PLEKHH2: variants seen among roughly 807,000 people sequenced by gnomAD.
PLEKHH2 encodes the protein pleckstrin homology, MyTH4 and FERM domain containing H2, also known as pleckstrin homology domain-containing family H member 2.
A neutral mutation model predicts 187.9 loss-of-function variants in PLEKHH2; 129 were observed. The ratio of observed to expected loss-of-function variants is 0.69; its 90% CI spans 0.59 to 0.79. The LOEUF is 0.79. Ranked by LOEUF, PLEKHH2 falls within the 30% of genes least tolerant of loss-of-function variation. The probability of loss-of-function intolerance (pLI) is 0.00; values close to 1 mark genes in which losing one functional copy is unlikely to be tolerated. For missense variants in PLEKHH2, 2,076 were observed against 1,751.2 expected, an observed-to-expected ratio of 1.19 and a Z score of -3.31; for synonymous variants, 686 against 605.6, an observed-to-expected ratio of 1.13 and a Z score of -1.95.
chr2:43,699,836 G>A lies in PLEKHH2; in HGVS notation c.878G>A (p.Gly293Glu), dbSNP rs1204396469. The part of the protein sequence containing the change: ...VSDWSSDEED[G>E]SKGRSKSRCT... ...GACTGGAGCTCTGATGAGGAAGACG[G>A]GAGCAAAGGAAGATCCAAGTCCAGA... Residue 293 changes from glycine (G) to glutamate (E), a missense_variant, in exon 8 of 30, where the codon GGG becomes GAG. Physicochemically the swap from Gly to Glu is moderately conservative, Grantham distance 98. Coordinates refer to ENST00000282406, the MANE Select transcript of PLEKHH2 (RefSeq NM_172069.4). The A allele has an allele frequency of 1.2e-6, 2 of 1,611,996 alleles. No homozygotes were observed. Among genetic ancestry groups the A allele is most frequent in the Non-Finnish European group, 8.5e-7 (1 of 1,178,114 alleles).
At chr2:43,750,806 C>T (rs1430422299) in intron 24 of PLEKHH2, among the ~76,000 whole-genome samples, 2 of 152,170 alleles carry the variant, frequency 1.3e-5, no homozygotes, top group Non-Finnish European at 2.9e-5. Context: ...TCCATTCATG[C>T]CATCTACCAG....
At chr2:43,671,349 TTAA>T (rs1417900515) in intron 2 of PLEKHH2, among the ~76,000 whole-genome samples, 2 of 152,328 alleles carry the variant, frequency 1.3e-5, no homozygotes, top group Admixed American at 1.3e-4. Flanking sequence ...TCCTATGGCC[TTAA>T]TAAACTCATT....
intron 24 of PLEKHH2, among the ~76,000 whole-genome samples, chr2:43,751,126 G>T (rs193232758): frequency 1.3e-3 from 191 of 152,328 alleles, no homozygotes; most frequent in African/African-American, 4.5e-3. Context: ...AGGATTAAAT[G>T]TTGGCAATTG....
At position 43,642,356 on chromosome 2, in the gene PLEKHH2, G is replaced by T. The variant is rs910275758; in HGVS notation, c.-3-2315G>T. On this transcript the variant is annotated intron_variant, in intron 1 of 29. Coordinates refer to ENST00000282406, the MANE Select transcript of PLEKHH2 (RefSeq NM_172069.4). Reference sequence around the variant, plus strand: ...AAACCTTGCTAAACTCTATAGTTTAGTATTTTTTTGTGGATTCCTTAGAAT... The same window carrying T: ...AAACCTTGCTAAACTCTATAGTTTATTATTTTTTTGTGGATTCCTTAGAAT... Among the ~76,000 whole-genome samples the T allele has an allele frequency of 1.2e-4, 18 of 152,070 alleles. No homozygotes were observed. In the East Asian group the frequency reaches 3.1e-3, roughly 26 times the overall value.
chr2:43,673,978 G>C (rs985793386), intron 2 of PLEKHH2, among the ~76,000 whole-genome samples: 1 of 152,112 alleles, frequency 6.6e-6, no homozygotes, highest in African/African-American at 2.4e-5. Context: ...CAGTGCCATA[G>C]GAGCAGAAAA....
chr2:43,753,472 A>G (rs1672084660), intron 24 of PLEKHH2, 147 bp from the exon 25 acceptor site: 1 of 543,894 alleles, frequency 1.8e-6, no homozygotes, highest in East Asian at 3.5e-5. Flanking sequence ...TAGAACAGAA[A>G]CAGAAGTCAT....
At chr2:43,688,121 G>C (rs901015948) in intron 3 of PLEKHH2, among the ~76,000 whole-genome samples, 1 of 152,122 alleles carries the variant, frequency 6.6e-6, no homozygotes, top group Non-Finnish European at 1.5e-5. Flanking sequence ...TTTGAGAAGT[G>C]TCTGTTCATG....
chr2:43,644,887 G>A (rs1427981705), intron 2 of PLEKHH2, 91 bp downstream of exon 2: 1 of 1,336,900 alleles, frequency 7.5e-7, no homozygotes, highest in South Asian at 1.7e-5. Flanking sequence ...TTGGGGGTTT[G>A]ATTTAATTTT....
intron 22 of PLEKHH2, 38 bp downstream of exon 22, chr2:43,742,956 C>G: frequency 7.0e-7 from 1 of 1,419,384 alleles, no homozygotes; most frequent in South Asian, 1.6e-5. Context: ...GCCAACAATC[C>G]TATGTACAAC....
intron 3 of PLEKHH2, 147 bp downstream of exon 3, chr2:43,679,072 A>C (rs1668027636): frequency 8.2e-6 from 4 of 486,912 alleles, no homozygotes; most frequent in Non-Finnish European, 1.4e-5. Context: ...AAAATGGAGA[A>C]TCTAACTCTA....
At chr2:43,656,845 C>G (rs925205203) in intron 2 of PLEKHH2, among the ~76,000 whole-genome samples, 1 of 152,132 alleles carries the variant, frequency 6.6e-6, no homozygotes, top group Non-Finnish European at 1.5e-5. Context: ...TGGTAAAACC[C>G]TGTCTCTACT....
At chr2:43,675,346 G>C in intron 2 of PLEKHH2, 1 of 1,479,158 alleles carries the variant, frequency 6.8e-7, no homozygotes, top group Non-Finnish European at 9.1e-7. Flanking sequence ...AGTGCTCTTG[G>C]ACAGCACAGG....
In PLEKHH2 at chr2:43,742,091, C is replaced by T. The variant is rs553376725; in HGVS notation, c.3222-650C>T. ...TCTTGGCTCACTGCAACCTCCACCT[C>T]CAAGGTCCAAGTGATTCTCCTGCCT... On this transcript the variant is annotated intron_variant, in intron 21 of 29. Transcript: ENST00000282406. 3.3e-5 allele frequency among the ~76,000 whole-genome samples: 5 copies of T among 152,114 alleles called. No individual in the cohort carries two copies. The South Asian group carries it at 1.0e-3, about 32-fold the overall frequency.
chr2:43,648,326 C>A (rs577519675), intron 2 of PLEKHH2, among the ~76,000 whole-genome samples: 1 of 151,868 alleles, frequency 6.6e-6, no homozygotes, highest in Admixed American at 6.6e-5. Flanking sequence ...GTAGCTGGGA[C>A]TACAGGCACA....
At chr2:43,670,783 C>T (rs972890584) in intron 2 of PLEKHH2, among the ~76,000 whole-genome samples, 4 of 152,034 alleles carry the variant, frequency 2.6e-5, no homozygotes, top group African/African-American at 9.7e-5. Flanking sequence ...ACAATAATAT[C>T]GAGTCTTCTG....
rs778210483 is a variant in PLEKHH2 at position 43,726,339 on chromosome 2, A to T, written c.2609A>T (p.Asp870Val). ...VEEVDRSCDS[D>V]EDYEASGRSL... ...GAGGTTGACAGATCTTGTGATTCAG[A>T]TGAAGATTATGAAGCCAGTGGACGA... Residue 870 changes from aspartate (D) to valine (V), a missense_variant, in exon 17 of 30, where the codon GAT (aspartate) becomes GTT (valine). By Grantham distance (152) the Asp-to-Val change is radical. Coordinates refer to ENST00000282406, the MANE Select transcript of PLEKHH2 (RefSeq NM_172069.4). 7.4e-6 allele frequency: 12 copies of T among 1,611,256 alleles called. No homozygotes were observed. The Admixed American group carries it at 2.0e-4, about 27-fold the overall frequency.
chr2:43,669,814 C>A (rs1407983109), intron 2 of PLEKHH2, among the ~76,000 whole-genome samples: 2 of 151,616 alleles, frequency 1.3e-5, no homozygotes, highest in Non-Finnish European at 2.9e-5. Context: ...TTGAGTGATT[C>A]TCATGTCTCA....
chr2:43,695,860 A>G (rs1425594153), intron 6 of PLEKHH2, among the ~76,000 whole-genome samples: 2 of 152,172 alleles, frequency 1.3e-5, no homozygotes, highest in African/African-American at 4.8e-5. Flanking sequence ...TGCATTGAAC[A>G]CTTTGGAGGA....
intron 2 of PLEKHH2, among the ~76,000 whole-genome samples, chr2:43,666,216 G>A (rs1056404131): frequency 2.0e-5 from 3 of 150,440 alleles, no homozygotes; most frequent in Non-Finnish European, 2.9e-5. Context: ...CGCAGTATTC[G>A]GGTGGGAGTG....
Sources: gnomAD v4.1 joint callset for allele counts (sites outside exome capture counted in the v4.1 genomes callset) on GRCh38, gnomAD v4.1.1 for gene constraint, MANE v1.5 for transcripts, NCBI Gene and HGNC (gene_info 2026-07-23, HGNC 2026-07-21) for gene names.